Variants in SNRNP27 observed in about 807,000 individuals in gnomAD.
SNRNP27 encodes U4/U6.U5 small nuclear ribonucleoprotein 27 kDa protein.
A neutral mutation model predicts 25.1 loss-of-function variants in SNRNP27; 22 were observed. The ratio of observed to expected loss-of-function variants is 0.88; its 90% CI spans 0.63 to 1.25. The LOEUF (loss-of-function observed/expected upper bound fraction) is 1.25. SNRNP27 is among the 50% of genes most tolerant of loss of function. The probability of loss-of-function intolerance (pLI) is 0.00; values close to 1 mark genes in which losing one functional copy is unlikely to be tolerated. For synonymous variants in SNRNP27, 66 were observed against 64.9 expected (o/e 1.02, Z -0.08); for missense variants, 150 against 202.3 (o/e 0.74, Z 1.57).
rs758529525 is a variant in SNRNP27, at chr2:69,895,221, G to A, written c.155+7G>A. On this transcript the variant is annotated splice_region_variant and intron_variant, in intron 2 of 5. Coordinates refer to ENST00000244227, the MANE Select transcript of SNRNP27 (RefSeq NM_006857.3). ...CGCACCGAAGACGCTCCCGGTAAGG[G>A]CAGAAAATAAGCCAAGAGTTTTATT... 72 of 1,611,194 alleles carry A rather than the reference G, an allele frequency of 4.5e-5. No homozygotes were observed. The highest frequency in any genetic ancestry group is 2.0e-4 in the East Asian group (9 of 44,860).
intron 4 of SNRNP27, among the ~76,000 whole-genome samples, chr2:69,902,516 C>G (rs1676720735): frequency 6.6e-6 from 1 of 152,062 alleles, no homozygotes; most frequent in African/African-American, 2.4e-5. Flanking sequence ...GCTTGTGCTG[C>G]TGCTGCTCTA....
At position 69,896,565 on chromosome 2, in the gene SNRNP27, A is replaced by G. The variant is rs1676605427; in HGVS notation, c.268+17A>G. 1 of 1,581,884 alleles carries G rather than the reference A, an allele frequency of 6.3e-7. No individual in the cohort carries two copies. The highest frequency in any genetic ancestry group is 1.7e-5 in the Admixed American group (1 of 58,304). ...AGATTACTGGTAATGTTATTAGATA[A>G]ATAACTGTAGGAAAAGTACAGTGAT... On this transcript the variant is annotated intron_variant, in intron 3 of 5. Coordinates refer to ENST00000244227, the MANE Select transcript of SNRNP27 (RefSeq NM_006857.3).
chr2:69,896,383 A>G (rs1676599127), intron 2 of SNRNP27, 53 bp from the exon 3 acceptor site: 1 of 1,547,976 alleles, frequency 6.5e-7, no homozygotes, highest in Non-Finnish European at 8.9e-7. Context: ...GTGCTGATTG[A>G]TACAAAGTTG....
At chr2:69,897,579 C>CT in intron 4 of SNRNP27, 123 bp downstream of exon 4, 1 of 758,216 alleles carries the variant, frequency 1.3e-6, no homozygotes, top group East Asian at 2.6e-5. Flanking sequence ...GTTTGAAGGG[C>CT]TTTGAGAATA....
chr2:69,902,796 TTTC>T (rs1387942600), intron 4 of SNRNP27, among the ~76,000 whole-genome samples: 1 of 151,876 alleles, frequency 6.6e-6, no homozygotes, highest in East Asian at 1.9e-4. Flanking sequence ...TTCTTCTGCT[TTTC>T]TTCTGCTTCT....
rs1558562664 is a variant in SNRNP27 at position 69,902,491 on chromosome 2, TCTGCTGCTGCTGCTGCTTGTG to T, written c.349-678_349-658del. Among the ~76,000 whole-genome samples the T allele has an allele frequency of 6.6e-5, 10 of 151,938 alleles. No homozygotes were observed. The South Asian group carries it at 2.1e-3, about 32-fold the overall frequency. ...TTCTGCTGCTGCTGTTTCTGTTTCC[TCTGCTGCTGCTGCTGCTTGTG>T]CTGCTGCTGCTCTAGCTTCTGCTTC... is the stretch of plus-strand genomic sequence containing the variant. On this transcript the variant is annotated intron_variant, in intron 4 of 5. Transcript: ENST00000244227.
chr2:69,904,110 C>A, intron 5 of SNRNP27, 144 bp from the exon 6 acceptor site: 1 of 494,864 alleles, frequency 2.0e-6, no homozygotes, highest in Non-Finnish European at 3.6e-6. Context: ...TCTAAATATA[C>A]ATTAAATTAC....
intron 3 of SNRNP27, among the ~76,000 whole-genome samples, chr2:69,896,774 G>A (rs1413087744): frequency 6.6e-6 from 1 of 151,178 alleles, no homozygotes; most frequent in Non-Finnish European, 1.5e-5. Context: ...CTGGGTTTAA[G>A]CAATTCTTGT....
At position 69,901,035 on chromosome 2, in the gene SNRNP27, G is replaced by A. The variant is rs770558733; in HGVS notation, c.349-2146G>A. Among the ~76,000 whole-genome samples, 18 of 152,174 alleles carry A rather than the reference G, an allele frequency of 1.2e-4. 1 individual carries two copies. The East Asian group carries it at 1.5e-3, about 13-fold the overall frequency. The stretch of plus-strand genomic sequence containing the variant: ...CTAAAAATACAAAAATTAGCTGGGC[G>A]TAGTGGTGCATGCCTGTAGTCCCAG... On this transcript the variant is annotated intron_variant, in intron 4 of 5. Transcript: ENST00000244227.
In SNRNP27 at chr2:69,895,208, G is replaced by A. The variant is rs1424456989; in HGVS notation, c.149G>A (p.Arg50His). ...RSRSRSPHRR[R>H]SRSPRRHRST... is the part of the protein sequence containing the mutation. ...CGCTCGCGATCCCCGCACCGAAGAC[G>A]CTCCCGGTAAGGGCAGAAAATAAGC... Residue 50 changes from arginine to histidine, a missense_variant, in exon 2 of 6, where the codon CGC becomes CAC. Physicochemically the swap from Arg to His is conservative, Grantham distance 29. Transcript: ENST00000244227. 3 of 1,613,604 alleles carry A rather than the reference G, an allele frequency of 1.9e-6. No homozygotes were observed. In the South Asian group the frequency reaches 3.3e-5, roughly 18 times the overall value.
chr2:69,894,398 G>A (rs919708953), intron 1 of SNRNP27, among the ~76,000 whole-genome samples: 1 of 152,234 alleles, frequency 6.6e-6, no homozygotes, highest in East Asian at 1.9e-4. Flanking sequence ...GGGTAGTATT[G>A]CCAACTTTTA....
chr2:69,897,720 G>A (rs902443133), intron 4 of SNRNP27: 2 of 372,450 alleles, frequency 5.4e-6, no homozygotes, highest in African/African-American at 4.2e-5. Flanking sequence ...TCAGGTAGAG[G>A]GAAGAGCTCA....
In SNRNP27 at chr2:69,897,409, A is replaced by G. The variant is rs757342097; in HGVS notation, c.301A>G (p.Ile101Val). The G allele has an allele frequency of 1.9e-6, 3 of 1,613,566 alleles. No individual in the cohort carries two copies. In the East Asian group the frequency reaches 6.7e-5, roughly 36 times the overall value. ...CTTAGAGGGCAAAACAGAGGAAGAA[A>G]TAGAAATGATGAAGTTAATGGGATT... ...EDLEGKTEEE[I>V]EMMKLMGFAS... The change falls in exon 4 of 6, where the codon ATA (isoleucine) becomes GTA (valine). Residue 101 changes from isoleucine (I) to valine (V), a missense_variant. By Grantham distance (29) the Ile-to-Val change is conservative. Around this residue, in one of 2 missense-constraint regions of SNRNP27, gnomAD observed 142 missense variants for 168.6 expected, o/e 0.84. Transcript: ENST00000244227.
intron 2 of SNRNP27, 72 bp from the exon 3 acceptor site, chr2:69,896,364 T>C: frequency 2.2e-6 from 3 of 1,379,030 alleles, no homozygotes; most frequent in Non-Finnish European, 3.1e-6. Flanking sequence ...GCTCACCTCA[T>C]GTATATCTGT....
chr2:69,893,975 G>C lies in SNRNP27; in HGVS notation c.-10G>C. The C allele has an allele frequency of 6.2e-7, 1 of 1,614,006 alleles. No individual in the cohort carries two copies. Among genetic ancestry groups the C allele is most frequent in the Non-Finnish European group, 8.5e-7 (1 of 1,179,924 alleles). On this transcript the variant is annotated 5_prime_UTR_variant, in exon 1 of 6. Transcript: ENST00000244227. The stretch of plus-strand genomic sequence containing the variant: ...TGTTGCACAGTTGTTTCCGGGAAGC[G>C]GGACTCCAAATGGGTCGCAGTCGCA...
intron 1 of SNRNP27, 112 bp from the exon 2 acceptor site, chr2:69,894,982 T>C: frequency 1.4e-6 from 2 of 1,458,732 alleles, no homozygotes; most frequent in Non-Finnish European, 1.8e-6. Flanking sequence ...CCAGCCTCTT[T>C]TTACCTTTTT....
rs967870227 is a variant in SNRNP27 at position 69,899,998 on chromosome 2, A to T, written c.348+2542A>T. 6.3e-3 allele frequency among the ~76,000 whole-genome samples: 840 copies of T among 133,810 alleles called. 6 individuals are homozygous for T. Among genetic ancestry groups the T allele is most frequent in the African/African-American group, 0.016 (544 of 35,078 alleles). The allele number at this position is 133,810 out of a possible 152,430, so 87.8% of individuals were successfully genotyped here. On this transcript the variant is annotated intron_variant, in intron 4 of 5. Transcript: ENST00000244227. ...TGCCTCAGTCCATTTTTTTTTTTTT[A>T]TTTTTGAAGAGACAGAGTCTTCCTA...
intron 5 of SNRNP27, 166 bp downstream of exon 5, chr2:69,903,411 C>G (rs1410625104): frequency 1.7e-5 from 10 of 605,120 alleles, no homozygotes; most frequent in Non-Finnish European, 2.6e-5. Context: ...AATTGTTTTC[C>G]CATTTACATG....
intron 1 of SNRNP27, among the ~76,000 whole-genome samples, chr2:69,894,735 T>G (rs953850482): frequency 1.3e-4 from 20 of 151,962 alleles, no homozygotes; most frequent in Admixed American, 9.2e-4. Flanking sequence ...CAGGCTGGAG[T>G]GCAGTGGCCG....
Sources: gnomAD v4.1 joint callset for allele counts (sites outside exome capture counted in the v4.1 genomes callset) on GRCh38, gnomAD v4.1.1 for gene constraint, gnomAD v4.1.1 regional missense constraint, MANE v1.5 for transcripts, NCBI Gene and HGNC (gene_info 2026-07-23, HGNC 2026-07-21) for gene names.